Variants in GRHL2 observed in about 807,000 individuals in gnomAD.
GRHL2 encodes the protein grainyhead like transcription factor 2.
In GRHL2, 21 loss-of-function variants were observed where a neutral mutation model predicts 83.8. The ratio of observed to expected loss-of-function variants is 0.25; its 90% confidence interval spans 0.18 to 0.36. The LOEUF (loss-of-function observed/expected upper bound fraction) is 0.36. Ranked by LOEUF, GRHL2 falls within the 10% of genes least tolerant of loss-of-function variation. The pLI is 1.00. For missense variants in GRHL2, 623 were observed against 781.8 expected (o/e 0.80, Z 2.42); for synonymous variants, 280 against 278.9 (o/e 1.00, Z -0.04).
intron 2 of GRHL2, among the ~76,000 whole-genome samples, chr8:101,550,380 T>A (rs1811354595): frequency 6.6e-6 from 1 of 152,192 alleles, no homozygotes; most frequent in African/African-American, 2.4e-5. Flanking sequence ...CCGTGTCTGT[T>A]GTTCCCATCT....
chr8:101,604,886 G>T (rs549649755), intron 8 of GRHL2, among the ~76,000 whole-genome samples: 1 of 152,248 alleles, frequency 6.6e-6, no homozygotes, highest in South Asian at 2.1e-4. Context: ...ATCTCCCAGG[G>T]TTGTTCTTTG....
In GRHL2 at chr8:101,652,524, G is replaced by GTGTGTGTGGTGTT. The variant is rs1563627440; in HGVS notation, c.1698+3037_1698+3038insTTGTGTGTGGTGT. 8.3e-3 allele frequency among the ~76,000 whole-genome samples: 735 copies of GTGTGTGTGGTGTT among 88,790 alleles called. 117 individuals carry two copies. Among genetic ancestry groups the GTGTGTGTGGTGTT allele is most frequent in the African/African-American group, 0.042 (623 of 14,946 alleles). The allele number at this position is 88,790 out of a possible 152,430, so 58.2% of individuals were successfully genotyped here. A position where few individuals can be genotyped will look rare whatever the true frequency, so the allele number is the denominator to read the frequency against. On this transcript the variant is annotated intron_variant, in intron 14 of 15. Coordinates refer to ENST00000646743, the MANE Select transcript of GRHL2 (RefSeq NM_024915.4). ...TGTGTGTGTGTGGTGTGTGTGTGGTGTGTGTGTGGTGTGTGTGTGTGTGGT... is the reference window on the plus strand; with the variant it reads ...TGTGTGTGTGTGGTGTGTGTGTGGTGTGTGTGTGGTGTTTGTGTGTGGTGTGTGTGTGTGTGGT...
At chr8:101,534,501 A>G (rs983537848) in intron 1 of GRHL2, among the ~76,000 whole-genome samples, 1 of 152,134 alleles carries the variant, frequency 6.6e-6, no homozygotes, top group Non-Finnish European at 1.5e-5. Flanking sequence ...GTAATATAAT[A>G]TCACTTCTGC....
At chr8:101,564,644 A>G (rs191693056) in intron 4 of GRHL2, among the ~76,000 whole-genome samples, 293 of 151,952 alleles carry the variant, frequency 1.9e-3, no homozygotes, top group Non-Finnish European at 3.6e-3. Flanking sequence ...TGTCTCTACA[A>G]AAATACAAAA....
In GRHL2 at chr8:101,669,254, C is replaced by CTTTTTTTCCTTTTT. The variant is rs538261454; in HGVS notation, c.*2558_*2559insCCTTTTTTTTTTTT. The CTTTTTTTCCTTTTT allele has an allele frequency of 7.9e-6, 1 of 126,626 alleles. No homozygotes were observed. Among genetic ancestry groups the CTTTTTTTCCTTTTT allele is most frequent in the East Asian group, 2.2e-4 (1 of 4,474 alleles). 7.8% of individuals were successfully genotyped at this position (126,626 alleles called of 1,614,324 possible). A position where few individuals can be genotyped will look rare whatever the true frequency, so the allele number is the denominator to read the frequency against. ...GGACATGTGAAATGAGCATTTTTTT[C>CTTTTTTTCCTTTTT]TTTTTTTTTTTTAACAAAGTCTGAA... On this transcript the variant is annotated 3_prime_UTR_variant, in exon 16 of 16. Coordinates refer to ENST00000646743, the MANE Select transcript of GRHL2 (RefSeq NM_024915.4).
Position 101,612,520 on chromosome 8 carries a change from G to GATACATAT in GRHL2, c.1099-7012_1099-7011insTATACATA, listed in dbSNP as rs1554592373. Among the ~76,000 whole-genome samples the GATACATAT allele has an allele frequency of 2.4e-5, 3 of 123,678 alleles. No homozygotes were observed. In the East Asian group the frequency reaches 7.1e-4, roughly 29 times the overall value. The allele number at this position is 123,678 out of a possible 152,430, so 81.1% of individuals were successfully genotyped here. A position where few individuals can be genotyped will look rare whatever the true frequency, so the allele number is the denominator to read the frequency against. On this transcript the variant is annotated intron_variant, in intron 8 of 15. Transcript: ENST00000646743. ...AGATAGATAGATAGATAGATAGATA[G>GATACATAT]ATACATACATACATACATACATACA...
intron 11 of GRHL2, among the ~76,000 whole-genome samples, chr8:101,632,872 T>C (rs184094401): frequency 6.6e-6 from 1 of 152,274 alleles, no homozygotes; most frequent in East Asian, 1.9e-4. Flanking sequence ...CAAGCCCCCT[T>C]AAAAAAATTC....
intron 1 of GRHL2, among the ~76,000 whole-genome samples, chr8:101,524,447 T>G (rs1810760927): frequency 6.6e-6 from 1 of 152,204 alleles, no homozygotes; most frequent in Non-Finnish European, 1.5e-5. Flanking sequence ...TTTTAGCCTT[T>G]GTTCCCATCT....
chr8:101,679,256 G>C, the GRHL2 span, among the ~76,000 whole-genome samples: 10 of 147,830 alleles, frequency 6.8e-5, no homozygotes, highest in African/African-American at 2.5e-4. Context: ...GAAAACCAAG[G>C]CTCGAGAACT....
intron 7 of GRHL2, among the ~76,000 whole-genome samples, chr8:101,592,526 C>T (rs1030383039): frequency 2.0e-5 from 3 of 152,160 alleles, no homozygotes; most frequent in Admixed American, 1.3e-4. Context: ...TAAGTGTGGT[C>T]CCCAGACCAG....
chr8:101,597,499 C>T (rs1812415223), intron 7 of GRHL2, among the ~76,000 whole-genome samples: 1 of 152,024 alleles, frequency 6.6e-6, no homozygotes, highest in South Asian at 2.1e-4. Flanking sequence ...ACTATGCAGC[C>T]ATAAAAAATG....
downstream of GRHL2, chr8:101,669,827 G>GCCTT (rs1814172942): frequency 6.6e-6 from 1 of 152,188 alleles, no homozygotes; most frequent in African/African-American, 2.4e-5. Context: ...TGCCCACCCT[G>GCCTT]CCTTCAGGTC....
Position 101,550,572 on chromosome 8 carries a change from T to C in GRHL2, c.217-2143T>C, listed in dbSNP as rs557811312. 7.2e-5 allele frequency among the ~76,000 whole-genome samples: 11 copies of C among 152,320 alleles called. No homozygotes were observed. In the East Asian group the frequency reaches 1.5e-3, roughly 21 times the overall value. On this transcript the variant is annotated intron_variant, in intron 2 of 15. Coordinates refer to ENST00000646743, the MANE Select transcript of GRHL2 (RefSeq NM_024915.4). ...GGGGTCTCCTTAAATACTTACTTCT[T>C]CCTTAATGCCTTTAAAAAAATTGTC...
At chr8:101,631,121 C>T (rs1265111196) in intron 9 of GRHL2, among the ~76,000 whole-genome samples, 1 of 152,190 alleles carries the variant, frequency 6.6e-6, no homozygotes, top group Non-Finnish European at 1.5e-5. Flanking sequence ...ACAAAGTGGT[C>T]CTACATCTTG....
Position 101,533,526 on chromosome 8 carries a change from C to A in GRHL2, c.21-9715C>A, listed in dbSNP as rs762168021. 5.3e-5 allele frequency among the ~76,000 whole-genome samples: 8 copies of A among 151,946 alleles called. 1 individual carries two copies. The South Asian group carries it at 1.2e-3, about 24-fold the overall frequency. The stretch of plus-strand genomic sequence containing the variant: ...CAGCCCTGTGGAACTTAGGTTCTAG[C>A]GGAGGTAGACACACAAGGAACATTG... On this transcript the variant is annotated intron_variant, in intron 1 of 15. Coordinates refer to ENST00000646743, the MANE Select transcript of GRHL2 (RefSeq NM_024915.4).
intron 15 of GRHL2, among the ~76,000 whole-genome samples, chr8:101,665,196 G>A (rs1365502542): frequency 6.6e-6 from 1 of 152,148 alleles, no homozygotes; most frequent in Admixed American, 6.5e-5. Flanking sequence ...ACCCATCTGT[G>A]TCCTCAAAGC....
chr8:101,499,124 A>G (rs1175667985), intron 1 of GRHL2, among the ~76,000 whole-genome samples: 3 of 152,134 alleles, frequency 2.0e-5, no homozygotes, highest in Admixed American at 1.3e-4. Context: ...AGAAGCATTT[A>G]AACAACATTA....
intron 14 of GRHL2, among the ~76,000 whole-genome samples, 164 bp from the exon 15 acceptor site, chr8:101,664,290 C>T (rs1813994670): frequency 6.6e-6 from 1 of 152,002 alleles, no homozygotes; most frequent in Non-Finnish European, 1.5e-5. Context: ...AAAGTCTATC[C>T]AAAGGGAGAG....
At chr8:101,534,938 A>T (rs1563568641) in intron 1 of GRHL2, among the ~76,000 whole-genome samples, 1 of 152,194 alleles carries the variant, frequency 6.6e-6, no homozygotes, top group Non-Finnish European at 1.5e-5. Context: ...TCTAATCCTC[A>T]TCACGGCCCA....
Sources: allele counts gnomAD v4.1 joint callset (sites outside exome capture counted in the v4.1 genomes callset), GRCh38; gene constraint gnomAD v4.1.1; transcripts MANE v1.5; gene names NCBI Gene and HGNC (gene_info 2026-07-23, HGNC 2026-07-21).